Variants in GALNT18 observed in about 807,000 individuals in gnomAD.
GALNT18 encodes GalNAc-transferase 18.
GALNT18 carries 44 observed loss-of-function variants against 69.5 expected under a neutral mutation model. The observed-to-expected ratio is 0.63, with a 90% confidence interval of 0.50 to 0.81. The LOEUF (loss-of-function observed/expected upper bound fraction) is 0.81. Ranked by LOEUF, GALNT18 falls within the 40% of genes least tolerant of loss-of-function variation. GALNT18 has a pLI of 0.00. For synonymous variants in GALNT18, 364 were observed against 318.2 expected (o/e 1.14, Z -1.53); for missense variants, 715 against 810.0 (o/e 0.88, Z 1.42).
rs548154280 is a variant in GALNT18 at position 11,338,124 on chromosome 11, A to C, written c.1278+2695T>G. 1.4e-4 allele frequency among the ~76,000 whole-genome samples: 21 copies of C among 151,598 alleles called. No individual in the cohort carries two copies. Among genetic ancestry groups the C allele is most frequent in the African/African-American group, 4.4e-4 (18 of 41,356 alleles). On this transcript the variant is annotated intron_variant, in intron 7 of 10. Coordinates refer to ENST00000227756, the MANE Select transcript of GALNT18 (RefSeq NM_198516.3). This position sits in a 1 kb window ranked among gnomAD's most constrained non-coding sequence, Gnocchi z 5.3. ...CTGGGATTACAGGCATGTGCCACCA[A>C]GCCTGGCTAATTTTTGTATTTTTAG...
intron 10 of GALNT18, among the ~76,000 whole-genome samples, chr11:11,290,335 T>C (rs1231867750): frequency 6.6e-6 from 1 of 152,188 alleles, no homozygotes; most frequent in Non-Finnish European, 1.5e-5. Flanking sequence ...TTCTTTCCTT[T>C]TCTAGAATCT....
intron 1 of GALNT18, among the ~76,000 whole-genome samples, chr11:11,453,287 G>A (rs939277885): frequency 1.3e-5 from 2 of 152,022 alleles, no homozygotes; most frequent in Non-Finnish European, 1.5e-5. Context: ...AGGGCCTTCC[G>A]CCACCTTCTT....
intron 9 of GALNT18, among the ~76,000 whole-genome samples, chr11:11,307,019 A>G (rs1241847357): frequency 6.6e-6 from 1 of 152,232 alleles, no homozygotes; most frequent in Admixed American, 6.5e-5. Context: ...CACATGGCCC[A>G]GAAGCCTCTC....
intron 1 of GALNT18, among the ~76,000 whole-genome samples, chr11:11,572,237 G>A (rs530463133): frequency 1.3e-5 from 2 of 152,152 alleles, no homozygotes; most frequent in South Asian, 2.1e-4. Context: ...GTAACCACTC[G>A]GCCTCAGTTT....
rs373271102 is a variant in GALNT18, at chr11:11,537,228, G to A, written c.235+84131C>T. Among the ~76,000 whole-genome samples the A allele has an allele frequency of 7.1e-3, 1,088 of 152,278 alleles. 21 individuals are homozygous for A. Among genetic ancestry groups the A allele is most frequent in the African/African-American group, 0.024 (1,016 of 41,538 alleles). ...TAAAGTCACACAGTTAATCGGGGTG[G>A]AGCTGTGAGTCAGTCTGCATTTTTA... On this transcript the variant is annotated intron_variant, in intron 1 of 10. Transcript: ENST00000227756.
chr11:11,307,785 A>T (rs1474889131), intron 9 of GALNT18, among the ~76,000 whole-genome samples: 3 of 152,118 alleles, frequency 2.0e-5, no homozygotes, highest in African/African-American at 7.2e-5. Context: ...TCTTTTCTTC[A>T]TGGTAACTGG....
intron 1 of GALNT18, among the ~76,000 whole-genome samples, chr11:11,581,288 C>A (rs1036604004): frequency 8.5e-5 from 13 of 152,202 alleles, no homozygotes; most frequent in Admixed American, 1.3e-4. Context: ...CTCACAGAAT[C>A]ACCAAGGAGC....
intron 1 of GALNT18, among the ~76,000 whole-genome samples, chr11:11,561,289 T>A (rs1224244336): frequency 6.6e-6 from 1 of 152,074 alleles, no homozygotes; most frequent in Non-Finnish European, 1.5e-5. Flanking sequence ...TACCTTCCAC[T>A]CGCAACGCCA....
chr11:11,455,834 A>T (rs1855913796), intron 1 of GALNT18, among the ~76,000 whole-genome samples: 1 of 152,192 alleles, frequency 6.6e-6, no homozygotes, highest in South Asian at 2.1e-4. Context: ...CATGCCTGTA[A>T]ACTCAGCACT....
chr11:11,290,449 C>T (rs1030636312), intron 10 of GALNT18, among the ~76,000 whole-genome samples: 4 of 152,190 alleles, frequency 2.6e-5, no homozygotes, highest in Non-Finnish European at 5.9e-5. Flanking sequence ...GAATCAAATC[C>T]ACCAGGCCCT....
At chr11:11,529,393 C>G (rs1857589882) in intron 1 of GALNT18, among the ~76,000 whole-genome samples, 1 of 152,106 alleles carries the variant, frequency 6.6e-6, no homozygotes, top group South Asian at 2.1e-4. Flanking sequence ...ACTGTTTGGG[C>G]TGGAACACTG....
At chr11:11,455,678 C>T (rs2133830168) in intron 1 of GALNT18, among the ~76,000 whole-genome samples, 1 of 152,318 alleles carries the variant, frequency 6.6e-6, no homozygotes, top group East Asian at 1.9e-4. Flanking sequence ...CAGGAAGAAC[C>T]ACAGTGAAGA....
At chr11:11,362,045 G>A (rs1277825060) in intron 6 of GALNT18, among the ~76,000 whole-genome samples, 1 of 152,150 alleles carries the variant, frequency 6.6e-6, no homozygotes, top group Non-Finnish European at 1.5e-5. Context: ...GCAATTTATT[G>A]TACAATAAAG....
intron 3 of GALNT18, among the ~76,000 whole-genome samples, chr11:11,384,488 C>G (rs1483251505): frequency 1.3e-5 from 2 of 152,132 alleles, no homozygotes; most frequent in African/African-American, 4.8e-5. Flanking sequence ...GCCTTAATCT[C>G]ATGAACAAGG....
At chr11:11,524,226 C>T (rs1276159690) in intron 1 of GALNT18, among the ~76,000 whole-genome samples, 1 of 152,084 alleles carries the variant, frequency 6.6e-6, no homozygotes, top group Non-Finnish European at 1.5e-5. Context: ...TGCTAGGTGG[C>T]CCAAAATGAC....
At position 11,589,207 on chromosome 11, in the gene GALNT18, A is replaced by G. The variant is rs185505407; in HGVS notation, c.235+32152T>C. ...GGAAAGGGGGCTGCGTTAGTTTGCA[A>G]CTTGAGTCTCCTGCCACAGACCAGT... On this transcript the variant is annotated intron_variant, in intron 1 of 10. Coordinates refer to ENST00000227756, the MANE Select transcript of GALNT18 (RefSeq NM_198516.3). Among the ~76,000 whole-genome samples the G allele has an allele frequency of 6.7e-3, 1,018 of 152,308 alleles. 4 individuals are homozygous for G. The highest frequency in any genetic ancestry group is 0.01 in the Middle Eastern group (3 of 292).
chr11:11,615,960 C>T (rs1217484076), intron 1 of GALNT18, among the ~76,000 whole-genome samples: 1 of 152,114 alleles, frequency 6.6e-6, no homozygotes, highest in Non-Finnish European at 1.5e-5. Flanking sequence ...TTGTAAAATA[C>T]ACAAATCACA....
intron 3 of GALNT18, among the ~76,000 whole-genome samples, chr11:11,410,116 C>G (rs1459969698): frequency 6.6e-6 from 1 of 152,142 alleles, no homozygotes; most frequent in Admixed American, 6.5e-5. Flanking sequence ...GTGGGAAACT[C>G]AGAGAGAGGG....
chr11:11,614,226 A>G lies in GALNT18; in HGVS notation c.235+7133T>C, dbSNP rs1859987916. ...GCTCATAGTTCTGCAAGCTGTTCGA[A>G]GTCCAGCATCTGCTAGGCTCCTGGG... On this transcript the variant is annotated intron_variant, in intron 1 of 10. Transcript: ENST00000227756. The surrounding 1 kb of genome is among the most constrained non-coding windows in gnomAD (Gnocchi z 5.6). Among the ~76,000 whole-genome samples the G allele has an allele frequency of 6.6e-6, 1 of 152,150 alleles. No individual in the cohort carries two copies. Among genetic ancestry groups the G allele is most frequent in the South Asian group, 2.1e-4 (1 of 4,822 alleles).
Sources: gnomAD v4.1 joint callset for allele counts (sites outside exome capture counted in the v4.1 genomes callset) on GRCh38, gnomAD v4.1.1 for gene constraint, Gnocchi (gnomAD v3.1) non-coding constraint, MANE v1.5 for transcripts, NCBI Gene and HGNC (gene_info 2026-07-23, HGNC 2026-07-21) for gene names.